PPP6R3: variants seen among roughly 807,000 people sequenced by gnomAD.
PPP6R3 encodes the protein serine/threonine-protein phosphatase 6 regulatory subunit 3.
Under a neutral mutation model 110.7 loss-of-function variants are expected in PPP6R3, and 38 were observed. That is an observed-to-expected ratio of 0.34 (90% CI 0.26 to 0.45). PPP6R3 has a LOEUF of 0.45. PPP6R3 is among the 20% of genes least tolerant of loss of function. PPP6R3 has a pLI of 1.00. For missense variants in PPP6R3, 870 were observed against 1,062.4 expected (o/e 0.82, Z 2.52); for synonymous variants, 369 against 373.5 (o/e 0.99, Z 0.14).
intron 1 of PPP6R3, among the ~76,000 whole-genome samples, chr11:68,469,058 T>C (rs763869729): frequency 1.3e-5 from 2 of 152,202 alleles, no homozygotes; most frequent in Admixed American, 6.5e-5. Flanking sequence ...ACCAGACAGC[T>C]CTATTGAGGG....
In PPP6R3 at chr11:68,576,015, A is replaced by G. The variant is rs2099529891; in HGVS notation, c.1517A>G (p.Glu506Gly). The change falls in exon 14 of 24, where the codon GAA becomes GGA. Residue 506 changes from glutamate (E) to glycine (G), a missense_variant. Transcript: ENST00000393800. ...WETFCTSSLG[E>G]TNKRNTVDLV... ...ACGTTCTGCACAAGCTCCTTAGGAGAAACTAACAAGAGGAACACGGTAGAT... is the reference window on the plus strand; with the variant it reads ...ACGTTCTGCACAAGCTCCTTAGGAGGAACTAACAAGAGGAACACGGTAGAT... The G allele has an allele frequency of 6.2e-7, 1 of 1,611,188 alleles. No individual in the cohort carries two copies. Among genetic ancestry groups the G allele is most frequent in the Non-Finnish European group, 8.5e-7 (1 of 1,177,938 alleles).
chr11:68,547,722 A>G (rs976347012), intron 4 of PPP6R3, among the ~76,000 whole-genome samples: 2 of 152,364 alleles, frequency 1.3e-5, no homozygotes, highest in African/African-American at 4.8e-5. Context: ...TTATGTTCAT[A>G]AACTGTAAAA....
intron 14 of PPP6R3, among the ~76,000 whole-genome samples, chr11:68,577,421 T>C (rs1349609874): frequency 7.9e-5 from 12 of 152,244 alleles, no homozygotes; most frequent in Non-Finnish European, 1.8e-4. Flanking sequence ...GACTATTGTC[T>C]TGTCTTATAA....
chr11:68,610,139 G>A (rs1412610037), intron 23 of PPP6R3, 116 bp downstream of exon 23: 23 of 1,375,436 alleles, frequency 1.7e-5, no homozygotes, highest in Admixed American at 1.5e-4. Context: ...GTCTTAGGCC[G>A]CTGACCTGGC....
intron 1 of PPP6R3, among the ~76,000 whole-genome samples, chr11:68,464,506 A>T (rs1045102881): frequency 5.9e-5 from 9 of 152,160 alleles, no homozygotes; most frequent in Non-Finnish European, 8.8e-5. Context: ...TTTACACCAC[A>T]GGTTTAGGGA....
rs529088918 is a variant in PPP6R3 at position 68,614,971 on chromosome 11, C to G, written c.*1854C>G. The G allele has an allele frequency of 1.7e-6, 1 of 581,976 alleles. No homozygotes were observed. Among genetic ancestry groups the G allele is most frequent in the South Asian group, 1.5e-5 (1 of 65,618 alleles). The allele number at this position is 581,976 out of a possible 1,614,324, so 36.1% of individuals were successfully genotyped here. On this transcript the variant is annotated 3_prime_UTR_variant, in exon 24 of 24. Coordinates refer to ENST00000393800, the MANE Select transcript of PPP6R3 (RefSeq NM_001164161.2). Reference sequence around the variant, plus strand: ...CACACGTGGCCTCCGTGGTATGGACCTGGTGGCTTCTCCATCCCACTGTGG... The same window carrying G: ...CACACGTGGCCTCCGTGGTATGGACGTGGTGGCTTCTCCATCCCACTGTGG...
At chr11:68,588,994 G>T (rs2099587483) in intron 16 of PPP6R3, among the ~76,000 whole-genome samples, 2 of 151,930 alleles carry the variant, frequency 1.3e-5, no homozygotes, top group Admixed American at 1.3e-4. Flanking sequence ...ATCACTTGAG[G>T]TTAGGGGTTC....
At chr11:68,551,269 A>G in intron 6 of PPP6R3, 83 bp downstream of exon 6, 1 of 1,009,340 alleles carries the variant, frequency 9.9e-7, no homozygotes, top group South Asian at 1.4e-5. Context: ...TACTTATATT[A>G]AATGTGAACA....
chr11:68,527,560 G>C (rs932470587), intron 2 of PPP6R3, among the ~76,000 whole-genome samples: 20 of 152,232 alleles, frequency 1.3e-4, no homozygotes, highest in African/African-American at 4.8e-4. Context: ...TCTGTTGAGA[G>C]TGTACTAACC....
chr11:68,510,054 CT>C (rs372113258), intron 1 of PPP6R3, among the ~76,000 whole-genome samples: 15 of 76,962 alleles, frequency 1.9e-4, no homozygotes, highest in African/African-American at 5.5e-4. Flanking sequence ...TGTGCTCGGC[CT>C]TTTTTTTTTT....
chr11:68,490,917 CG>C (rs1444091196), intron 1 of PPP6R3, among the ~76,000 whole-genome samples: 1 of 152,158 alleles, frequency 6.6e-6, no homozygotes, highest in Admixed American at 6.5e-5. Flanking sequence ...TGCTAGTGGC[CG>C]GGCATGGCCT....
chr11:68,596,063 C>G, intron 18 of PPP6R3, 34 bp from the exon 19 acceptor site: 1 of 1,612,810 alleles, frequency 6.2e-7, no homozygotes. Flanking sequence ...GGCTGATAAG[C>G]AGTGTTAAAT....
chr11:68,606,430 G>A (rs948544064), intron 22 of PPP6R3, among the ~76,000 whole-genome samples: 1 of 151,414 alleles, frequency 6.6e-6, no homozygotes, highest in African/African-American at 2.4e-5. Context: ...CCAAGTAACT[G>A]GGACTAGGAC....
chr11:68,475,671 G>A (rs1188374699), intron 1 of PPP6R3, among the ~76,000 whole-genome samples: 15 of 150,422 alleles, frequency 1.0e-4, no homozygotes, highest in East Asian at 2.0e-4. Flanking sequence ...GCGGCTGGCC[G>A]GGCGGGGGCT....
chr11:68,469,747 C>A (rs1291535587), intron 1 of PPP6R3, among the ~76,000 whole-genome samples: 1 of 151,916 alleles, frequency 6.6e-6, no homozygotes, highest in East Asian at 1.9e-4. Context: ...CAGCATGTGC[C>A]CAGATATTAA....
At chr11:68,558,056 A>C (rs577111510) in intron 7 of PPP6R3, 1 of 152,332 alleles carries the variant, frequency 6.6e-6, no homozygotes, top group African/African-American at 2.4e-5. Context: ...TTGTAGAGTA[A>C]AATGCAACAA....
At chr11:68,586,675 A>G (rs2099579594) in intron 15 of PPP6R3, 1 of 152,210 alleles carries the variant, frequency 6.6e-6, no homozygotes, top group Non-Finnish European at 1.5e-5. Context: ...GCTTTTCTTC[A>G]GACCTAAGCA....
intron 1 of PPP6R3, among the ~76,000 whole-genome samples, chr11:68,501,198 G>C (rs2099047099): frequency 6.6e-6 from 1 of 152,192 alleles, no homozygotes; most frequent in Non-Finnish European, 1.5e-5. Context: ...AAATTCTTAA[G>C]TTCTTTGTGG....
At chr11:68,545,490 A>G (rs1026998027) in intron 4 of PPP6R3, among the ~76,000 whole-genome samples, 1 of 152,242 alleles carries the variant, frequency 6.6e-6, no homozygotes, top group Non-Finnish European at 1.5e-5. Context: ...ATTCTACTCA[A>G]AACTTCTCCA....
Sources: allele counts gnomAD v4.1 joint callset (sites outside exome capture counted in the v4.1 genomes callset), GRCh38; gene constraint gnomAD v4.1.1; transcripts MANE v1.5; gene names NCBI Gene and HGNC (gene_info 2026-07-23, HGNC 2026-07-21).